The following RAD51B variants were observed in gnomAD, a reference collection of about 807,000 sequenced individuals.
RAD51B encodes DNA repair protein RAD51 homolog 2.
A neutral mutation model predicts 42.2 loss-of-function variants in RAD51B; 38 were observed. The observed-to-expected ratio is 0.90, with a 90% confidence interval of 0.70 to 1.18. The LOEUF (loss-of-function observed/expected upper bound fraction) is 1.18. Among genes scored for constraint, RAD51B ranks in the 50% most tolerant of loss-of-function variants. The pLI, the probability that RAD51B is intolerant of heterozygous loss-of-function variation, is 0.00. For missense variants in RAD51B, 373 were observed against 400.7 expected, an observed-to-expected ratio of 0.93 and a Z score of 0.59; for synonymous variants, 154 against 145.2, an observed-to-expected ratio of 1.06 and a Z score of -0.43.
At chr14:68,190,876 G>A (rs192276338) in intron 7 of RAD51B, among the ~76,000 whole-genome samples, 1 of 152,196 alleles carries the variant, frequency 6.6e-6, no homozygotes, top group East Asian at 1.9e-4. Flanking sequence ...AATGTCTAAT[G>A]AATTTTAAGT....
intron 7 of RAD51B, among the ~76,000 whole-genome samples, chr14:68,183,589 C>T (rs1406451949): frequency 1.3e-5 from 2 of 152,320 alleles, no homozygotes; most frequent in African/African-American, 4.8e-5. Context: ...CGTCACACAT[C>T]TGTTATCCTA....
At chr14:68,416,032 G>A (rs1056691165) in intron 9 of RAD51B, among the ~76,000 whole-genome samples, 1 of 151,972 alleles carries the variant, frequency 6.6e-6, no homozygotes, top group Non-Finnish European at 1.5e-5. Flanking sequence ...CTATTTAGGA[G>A]GCACCCTGAA....
chr14:67,927,795 T>TATACA (rs1566962768), intron 7 of RAD51B, among the ~76,000 whole-genome samples: 89 of 144,834 alleles, frequency 6.1e-4, no homozygotes, highest in African/African-American at 2.5e-3. Context: ...AATGTGTGTG[T>TATACA]CTTTTATGGT....
At chr14:68,134,516 A>G (rs1444061454) in intron 7 of RAD51B, among the ~76,000 whole-genome samples, 2 of 152,336 alleles carry the variant, frequency 1.3e-5, no homozygotes, top group South Asian at 2.1e-4. Context: ...AAAAGGAACT[A>G]TCAGACTGTT....
At chr14:68,488,214 T>C (rs1331710162) in intron 10 of RAD51B, among the ~76,000 whole-genome samples, 1 of 150,340 alleles carries the variant, frequency 6.7e-6, no homozygotes, top group Non-Finnish European at 1.5e-5. Context: ...TTTTTTTTTT[T>C]TTTTTTTCAA....
intron 7 of RAD51B, among the ~76,000 whole-genome samples, chr14:67,989,813 A>C (rs2075263075): frequency 6.6e-6 from 1 of 151,908 alleles, no homozygotes; most frequent in African/African-American, 2.4e-5. Flanking sequence ...CTTTCTTTGA[A>C]ATTGTCTGCT....
At chr14:68,407,916 G>A (rs1328853105) in intron 8 of RAD51B, among the ~76,000 whole-genome samples, 2 of 152,162 alleles carry the variant, frequency 1.3e-5, no homozygotes, top group African/African-American at 4.8e-5. Flanking sequence ...GCCAGTGTTA[G>A]GAATTTAGAA....
At chr14:67,921,577 A>T (rs1297014285) in intron 7 of RAD51B, among the ~76,000 whole-genome samples, 139 of 133,086 alleles carry the variant, frequency 1.0e-3, no homozygotes, top group African/African-American at 4.2e-3. Context: ...TCACACACAC[A>T]CACACACACA....
At chr14:68,140,608 T>C (rs2078108751) in intron 7 of RAD51B, among the ~76,000 whole-genome samples, 1 of 152,218 alleles carries the variant, frequency 6.6e-6, no homozygotes, top group Admixed American at 6.5e-5. Flanking sequence ...TGCTGAGGTT[T>C]CTCTGCCACT....
intron 10 of RAD51B, among the ~76,000 whole-genome samples, chr14:68,523,970 G>A (rs1886760165): frequency 6.6e-6 from 1 of 152,202 alleles, no homozygotes; most frequent in Non-Finnish European, 1.5e-5. Flanking sequence ...AAAATGGCCA[G>A]TTCTGTGACA....
chr14:68,417,545 A>G (rs780934585), intron 9 of RAD51B, among the ~76,000 whole-genome samples: 2 of 152,218 alleles, frequency 1.3e-5, no homozygotes, highest in South Asian at 2.1e-4. Context: ...GAATGGTGGC[A>G]TTAAAAGAAT....
chr14:68,676,443 CATA>C (rs754818176), intron 11 of RAD51B, among the ~76,000 whole-genome samples: 1 of 152,182 alleles, frequency 6.6e-6, no homozygotes, highest in Non-Finnish European at 1.5e-5. Flanking sequence ...AGAAACAATC[CATA>C]ATAACTTTTA....
chr14:68,345,264 C>A (rs551800683), intron 8 of RAD51B, among the ~76,000 whole-genome samples: 2 of 152,114 alleles, frequency 1.3e-5, no homozygotes, highest in East Asian at 3.9e-4. Flanking sequence ...GTGAGAAGGA[C>A]ATGAGATTTG....
At chr14:68,094,118 C>CTAGT (rs2077151368) in intron 7 of RAD51B, among the ~76,000 whole-genome samples, 1 of 152,090 alleles carries the variant, frequency 6.6e-6, no homozygotes, top group South Asian at 2.1e-4. Context: ...CTTTATATTA[C>CTAGT]TAGTTAGTTA....
intron 5 of RAD51B, among the ~76,000 whole-genome samples, chr14:67,870,044 C>T (rs1368163173): frequency 1.3e-5 from 2 of 150,048 alleles, no homozygotes; most frequent in African/African-American, 2.5e-5. Context: ...GCAAAATAAC[C>T]AGCTAACATC....
Position 68,137,481 on chromosome 14 carries a change from C to A in RAD51B, c.757-154403C>A, listed in dbSNP as rs372406747. 6.6e-5 allele frequency among the ~76,000 whole-genome samples: 10 copies of A among 152,284 alleles called. No homozygotes were observed. In the East Asian group the frequency reaches 1.7e-3, roughly 26 times the overall value. On this transcript the variant is annotated intron_variant, in intron 7 of 10. Transcript: ENST00000471583. ...AAGCTAATACACTGTTAACCTCTTT[C>A]CAATTCTATTAATACCATCATTATC... is the stretch of plus-strand genomic sequence containing the variant.
intron 7 of RAD51B, among the ~76,000 whole-genome samples, chr14:67,969,858 C>A (rs546858618): frequency 2.0e-5 from 3 of 152,142 alleles, no homozygotes; most frequent in African/African-American, 7.2e-5. Context: ...TCAATTAGAC[C>A]ACTAGTATTT....
At chr14:67,922,991 G>A (rs999361483) in intron 7 of RAD51B, among the ~76,000 whole-genome samples, 10 of 152,172 alleles carry the variant, frequency 6.6e-5, no homozygotes, top group South Asian at 6.2e-4. Context: ...GCGCCCAGCC[G>A]TAATATGTGG....
At chr14:68,283,297 C>T (rs2081354719) in intron 7 of RAD51B, among the ~76,000 whole-genome samples, 1 of 152,182 alleles carries the variant, frequency 6.6e-6, no homozygotes, top group African/African-American at 2.4e-5. Context: ...ACTCAGTGGG[C>T]AGTGATCAGG....
Sources: allele counts gnomAD v4.1 joint callset (sites outside exome capture counted in the v4.1 genomes callset), GRCh38; gene constraint gnomAD v4.1.1; transcripts MANE v1.5; gene names NCBI Gene and HGNC (gene_info 2026-07-23, HGNC 2026-07-21).